CHCHD6: variants seen among roughly 807,000 people sequenced by gnomAD.
CHCHD6 encodes the protein coiled-coil-helix-coiled-coil-helix domain containing 6, also known as MICOS complex subunit MIC25.
CHCHD6 carries 28 observed loss-of-function variants against 32.3 expected under a neutral mutation model. The observed-to-expected ratio is 0.87, with a 90% confidence interval of 0.64 to 1.19. The LOEUF is 1.19. Among genes scored for constraint, CHCHD6 ranks in the 50% most tolerant of loss-of-function variants. CHCHD6 has a pLI of 0.00. For synonymous variants in CHCHD6, 122 were observed against 117.5 expected (o/e 1.04, Z -0.25); for missense variants, 333 against 307.0 (o/e 1.08, Z -0.63).
chr3:126,753,449 C>T (rs1936815490), intron 4 of CHCHD6, among the ~76,000 whole-genome samples: 1 of 152,196 alleles, frequency 6.6e-6, no homozygotes, highest in African/African-American at 2.4e-5. Context: ...GAGCATGCTG[C>T]AGCCCGCCTG....
intron 3 of CHCHD6, 57 bp from the exon 4 acceptor site, chr3:126,733,021 T>C (rs1196733876): frequency 1.4e-5 from 22 of 1,594,826 alleles, no homozygotes; most frequent in Non-Finnish European, 1.8e-5. Flanking sequence ...TTGTCTTGGC[T>C]ATGGGCTGCC....
intron 4 of CHCHD6, among the ~76,000 whole-genome samples, chr3:126,797,416 C>T (rs1481853074): frequency 6.6e-6 from 1 of 152,066 alleles, no homozygotes; most frequent in Non-Finnish European, 1.5e-5. Flanking sequence ...CTGAAAAGAC[C>T]TTGAGTCACT....
intron 5 of CHCHD6, among the ~76,000 whole-genome samples, chr3:126,877,303 C>T (rs914354821): frequency 1.3e-5 from 2 of 152,188 alleles, no homozygotes; most frequent in African/African-American, 4.8e-5. Flanking sequence ...CACCTGTAAT[C>T]TCAGCACTTT....
chr3:126,906,720 C>T (rs896599457), intron 5 of CHCHD6, among the ~76,000 whole-genome samples: 11 of 152,282 alleles, frequency 7.2e-5, no homozygotes, highest in Non-Finnish European at 1.3e-4. Context: ...GTATTTTTTC[C>T]CCCTCCATAT....
chr3:126,864,658 TC>T (rs1942174959), intron 5 of CHCHD6, among the ~76,000 whole-genome samples: 2 of 137,478 alleles, frequency 1.5e-5, no homozygotes, highest in Admixed American at 1.4e-4. Context: ...TTCCTCCTCC[TC>T]CACCTCCTCC....
chr3:126,880,545 A>C (rs2077594588), intron 5 of CHCHD6, among the ~76,000 whole-genome samples: 1 of 152,222 alleles, frequency 6.6e-6, no homozygotes, highest in African/African-American at 2.4e-5. Flanking sequence ...CTAAGTTTTT[A>C]AATATAAACT....
At chr3:126,934,531 C>G (rs890946844) in intron 6 of CHCHD6, among the ~76,000 whole-genome samples, 1 of 144,606 alleles carries the variant, frequency 6.9e-6, no homozygotes, top group Admixed American at 7.0e-5. Flanking sequence ...ACCCTCCCCT[C>G]TCTGCTTTTT....
chr3:126,746,077 TA>T (rs1936487611), intron 4 of CHCHD6, among the ~76,000 whole-genome samples: 1 of 152,178 alleles, frequency 6.6e-6, no homozygotes, highest in Non-Finnish European at 1.5e-5. Context: ...CAGGGTGGCT[TA>T]GGGGTATTGC....
chr3:126,720,205 C>A (rs1935215270), intron 1 of CHCHD6, among the ~76,000 whole-genome samples: 1 of 152,156 alleles, frequency 6.6e-6, no homozygotes, highest in Non-Finnish European at 1.5e-5. Context: ...ATGACAGGGC[C>A]TGGTCTTCCT....
chr3:126,772,737 G>A (rs576094494), intron 4 of CHCHD6, among the ~76,000 whole-genome samples: 5 of 152,114 alleles, frequency 3.3e-5, no homozygotes, highest in Non-Finnish European at 5.9e-5. Flanking sequence ...TATGTTCAAG[G>A]TTAGTATTGA....
intron 4 of CHCHD6, among the ~76,000 whole-genome samples, chr3:126,786,635 A>AGT (rs2107683464): frequency 6.6e-6 from 1 of 152,276 alleles, no homozygotes; most frequent in South Asian, 2.1e-4. Flanking sequence ...TCTTTTGAGA[A>AGT]GTGTCTGTTC....
intron 5 of CHCHD6, among the ~76,000 whole-genome samples, chr3:126,881,161 T>G (rs72980862): frequency 0.032 from 4,867 of 152,358 alleles, 170 homozygotes; most frequent in East Asian, 0.16. Flanking sequence ...GCCCCAGGCT[T>G]GCTTGCACTC....
At chr3:126,956,688 CT>C (rs2078790342) in intron 6 of CHCHD6, among the ~76,000 whole-genome samples, 1 of 151,536 alleles carries the variant, frequency 6.6e-6, no homozygotes, top group Non-Finnish European at 1.5e-5. Context: ...CAGTGACTGA[CT>C]TTAGTTTATC....
At chr3:126,886,044 A>G (rs1248976167) in intron 5 of CHCHD6, among the ~76,000 whole-genome samples, 1 of 152,204 alleles carries the variant, frequency 6.6e-6, no homozygotes, top group Non-Finnish European at 1.5e-5. Flanking sequence ...CTCCCGTGGG[A>G]ATGATGAGAG....
intron 4 of CHCHD6, among the ~76,000 whole-genome samples, chr3:126,775,635 A>G (rs887357002): frequency 3.9e-5 from 6 of 152,262 alleles, no homozygotes; most frequent in Admixed American, 1.3e-4. Context: ...GTAGGGCTGA[A>G]GAATCAAAGG....
At chr3:126,923,031 G>C (rs145014711) in intron 6 of CHCHD6, among the ~76,000 whole-genome samples, 9 of 152,152 alleles carry the variant, frequency 5.9e-5, no homozygotes, top group African/African-American at 2.2e-4. Context: ...TGTCCCCAGG[G>C]CAGATGTCAC....
chr3:126,837,168 A>T (rs762711153), intron 4 of CHCHD6, among the ~76,000 whole-genome samples: 1 of 152,210 alleles, frequency 6.6e-6, no homozygotes, highest in Non-Finnish European at 1.5e-5. Flanking sequence ...ATCTTATTAC[A>T]CCAGGAGATG....
At chr3:126,880,460 C>A (rs1253604943) in intron 5 of CHCHD6, among the ~76,000 whole-genome samples, 1 of 152,126 alleles carries the variant, frequency 6.6e-6, no homozygotes, top group Non-Finnish European at 1.5e-5. Context: ...CAAGCAGACA[C>A]CCACAAAGAC....
At chr3:126,904,304 C>T (rs1425043786) in intron 5 of CHCHD6, among the ~76,000 whole-genome samples, 1 of 152,128 alleles carries the variant, frequency 6.6e-6, no homozygotes, top group Non-Finnish European at 1.5e-5. Flanking sequence ...GGCTAAAACC[C>T]CTTGTATGTG....
Sources: gnomAD v4.1 joint callset for allele counts (sites outside exome capture counted in the v4.1 genomes callset) on GRCh38, gnomAD v4.1.1 for gene constraint, MANE v1.5 for transcripts, NCBI Gene and HGNC (gene_info 2026-07-23, HGNC 2026-07-21) for gene names.